Variants in MIF4GD observed in about 807,000 individuals in gnomAD.
MIF4GD encodes the protein MIF4G domain-containing protein.
MIF4GD carries 22 observed loss-of-function variants against 26.7 expected under a neutral mutation model. That is an observed-to-expected ratio of 0.82 (90% CI 0.59 to 1.18). MIF4GD has a LOEUF of 1.18. Ranked by LOEUF, MIF4GD falls within the 50% of genes most tolerant of loss-of-function variation. The pLI, the probability that MIF4GD is intolerant of heterozygous loss-of-function variation, is 0.00. For missense variants in MIF4GD, 262 were observed against 279.6 expected (o/e 0.94, Z 0.45); for synonymous variants, 137 against 111.6 (o/e 1.23, Z -1.43).
intron 2 of MIF4GD, among the ~76,000 whole-genome samples, chr17:75,268,832 C>T (rs996742755): frequency 1.3e-5 from 2 of 151,732 alleles, no homozygotes; most frequent in East Asian, 1.9e-4. Flanking sequence ...GATGAAACCC[C>T]GTCTCTACAA....
At chr17:75,267,460 C>T (rs750403920) in intron 5 of MIF4GD, 78 bp downstream of exon 5, 2 of 1,399,180 alleles carry the variant, frequency 1.4e-6, no homozygotes, top group Non-Finnish European at 2.0e-6. Flanking sequence ...CCTCCGTGAG[C>T]AGTGGGCTGA....
intron 2 of MIF4GD, 87 bp from the exon 3 acceptor site, chr17:75,268,279 G>T: frequency 1.0e-6 from 1 of 996,250 alleles, no homozygotes; most frequent in Non-Finnish European, 1.6e-6. Context: ...GATATTTACA[G>T]TAGAGCACTC....
intron 3 of MIF4GD, 61 bp downstream of exon 3, chr17:75,268,022 T>G: frequency 6.2e-7 from 1 of 1,606,212 alleles, no homozygotes; most frequent in Non-Finnish European, 8.5e-7. Context: ...AGGCCAGGCC[T>G]TCTGCCCACT....
intron 2 of MIF4GD, chr17:75,269,425 C>T (rs1766084411): frequency 4.3e-6 from 7 of 1,614,056 alleles, no homozygotes; most frequent in Non-Finnish European, 4.2e-6. Flanking sequence ...GAATATTCTC[C>T]ATCTTCTGTC....
At position 75,266,278 on chromosome 17, in the gene MIF4GD, A is replaced by C. The variant is rs1383239640; in HGVS notation, c.*462T>G. 1 of 379,730 alleles carries C rather than the reference A, an allele frequency of 2.6e-6. No homozygotes were observed. Among genetic ancestry groups the C allele is most frequent in the East Asian group, 6.1e-5 (1 of 16,500 alleles). 23.5% of individuals were successfully genotyped at this position (379,730 alleles called of 1,614,324 possible). A position where few individuals can be genotyped will look rare whatever the true frequency, so the allele number is the denominator to read the frequency against. ...GAAAATTCTCACGCTGAACTGGTGT[A>C]GCATGTGGTGCAGCATTCAGTGAAA... On this transcript the variant is annotated 3_prime_UTR_variant, in exon 6 of 6. Coordinates refer to ENST00000325102, the MANE Select transcript of MIF4GD (RefSeq NM_001370592.1).
chr17:75,266,644 G>T lies in MIF4GD; in HGVS notation c.*96C>A. The T allele has an allele frequency of 8.7e-7, 1 of 1,151,178 alleles. No individual in the cohort carries two copies. The highest frequency in any genetic ancestry group is 1.3e-5 in the South Asian group (1 of 78,270). The allele number at this position is 1,151,178 out of a possible 1,614,324, so 71.3% of individuals were successfully genotyped here. Reference sequence around the variant, plus strand: ...AAGGGAAGACACTCAAAGTCTGGAAGGGAAAAGTCTTTGGGTGAGGCAGAG... The same window carrying T: ...AAGGGAAGACACTCAAAGTCTGGAATGGAAAAGTCTTTGGGTGAGGCAGAG... On this transcript the variant is annotated 3_prime_UTR_variant, in exon 6 of 6. Transcript: ENST00000325102.
Position 75,266,985 on chromosome 17 carries a change from G to T in MIF4GD, c.442-18C>A. On this transcript the variant is annotated intron_variant, in intron 5 of 5. Transcript: ENST00000325102. ...CAGTCCACCTGCAGGCGACAGTGTG[G>T]GTAACACAAGTGAACTGGGGCAGTG... is the stretch of plus-strand genomic sequence containing the variant. 1 of 1,606,032 alleles carries T rather than the reference G, an allele frequency of 6.2e-7. No individual in the cohort carries two copies. Among genetic ancestry groups the T allele is most frequent in the South Asian group, 1.1e-5 (1 of 90,230 alleles).
In MIF4GD at chr17:75,270,195, TG is replaced by T. The variant is rs2077681141; in HGVS notation, c.-1del. The T allele has an allele frequency of 6.2e-7, 1 of 1,613,446 alleles. No homozygotes were observed. The highest frequency in any genetic ancestry group is 1.7e-5 in the Admixed American group (1 of 59,992). On this transcript the variant is annotated 5_prime_UTR_variant, in exon 2 of 6. Coordinates refer to ENST00000325102, the MANE Select transcript of MIF4GD (RefSeq NM_001370592.1). This position sits in a 1 kb window ranked among gnomAD's most constrained non-coding sequence, Gnocchi z 5.7. ...TACTCCTCTCTACTGGGCTCCCCCATGACTAGCCAGCCCCGGTAGCTCTTGA... is the reference window on the plus strand; with the variant it reads ...TACTCCTCTCTACTGGGCTCCCCCATACTAGCCAGCCCCGGTAGCTCTTGA...
chr17:75,270,741 C>A lies in MIF4GD; in HGVS notation c.-51+403G>T, dbSNP rs907522226. 1 of 155,836 alleles carries A rather than the reference C, an allele frequency of 6.4e-6. No homozygotes were observed. The highest frequency in any genetic ancestry group is 1.4e-5 in the Non-Finnish European group (1 of 70,244). The allele number at this position is 155,836 out of a possible 1,614,324, so 9.7% of individuals were successfully genotyped here. On this transcript the variant is annotated intron_variant, in intron 1 of 5. Coordinates refer to ENST00000325102, the MANE Select transcript of MIF4GD (RefSeq NM_001370592.1). The surrounding 1 kb of genome is among the most constrained non-coding windows in gnomAD (Gnocchi z 5.7). ...TCGGTCTCAACACCCGCCGCTGCAT[C>A]CCCCGGATGGGGCCGGCCTGCGTGG... is the stretch of plus-strand genomic sequence containing the variant.
At chr17:75,267,707 G>A (rs902803097) in intron 4 of MIF4GD, 39 bp downstream of exon 4, 28 of 1,612,130 alleles carry the variant, frequency 1.7e-5, no homozygotes, top group Non-Finnish European at 2.2e-5. Context: ...TCAGGAAACA[G>A]GCCATGTCTG....
chr17:75,266,917 T>C lies in MIF4GD; in HGVS notation c.492A>G (p.Lys164=), dbSNP rs768553265. 6.8e-6 allele frequency: 11 copies of C among 1,614,096 alleles called. No homozygotes were observed. In the South Asian group the frequency reaches 1.2e-4, roughly 18 times the overall value. ...QLHRVGEQLE[K]MNGQRMDELF... is the part of the protein sequence containing the mutation. ...GCTCATCCATGCGCTGCCCATTCAT[T>C]TTCTCCAGCTGCTCCCCAACCCGGT... Residue 164 remains lysine, a synonymous_variant, in exon 6 of 6, where the codon AAA becomes AAG. Transcript: ENST00000325102.
chr17:75,269,737 C>CTTTTTTTTT (rs796368431), intron 2 of MIF4GD, among the ~76,000 whole-genome samples: 3,737 of 103,104 alleles, frequency 0.036, 75 homozygotes, highest in Non-Finnish European at 0.054. Context: ...TTTTTCTTTT[C>CTTTTTTTTT]TTTCTTTTTT....
At chr17:75,269,401 T>C (rs1050675844) in intron 2 of MIF4GD, 2 of 1,614,042 alleles carry the variant, frequency 1.2e-6, no homozygotes, top group Admixed American at 3.3e-5. Flanking sequence ...TTACTATAGC[T>C]CCTCTGGCAA....
Position 75,266,624 on chromosome 17 carries a change from A to G in MIF4GD, c.*116T>C. 1.1e-6 allele frequency: 1 copy of G among 926,426 alleles called. No homozygotes were observed. Among genetic ancestry groups the G allele is most frequent in the Non-Finnish European group, 1.7e-6 (1 of 580,376 alleles). 57.4% of individuals were successfully genotyped at this position (926,426 alleles called of 1,614,324 possible). ...CAGGAGATGGGAAAGTCTAGAAGGG[A>G]AGACACTCAAAGTCTGGAAGGGAAA... On this transcript the variant is annotated 3_prime_UTR_variant, in exon 6 of 6. Transcript: ENST00000325102.
At chr17:75,267,444 CAG>C (rs758527807) in intron 5 of MIF4GD, 92 bp downstream of exon 5, 6 of 1,273,776 alleles carry the variant, frequency 4.7e-6, no homozygotes, top group East Asian at 4.7e-5. Context: ...ACACAGTCCT[CAG>C]AGACCTCCGT....
chr17:75,270,182 C>T lies in MIF4GD; in HGVS notation c.14G>A (p.Ser5Asn), dbSNP rs370509484. 1 of 1,614,030 alleles carries T rather than the reference C, an allele frequency of 6.2e-7. No homozygotes were observed. The highest frequency in any genetic ancestry group is 2.2e-5 in the East Asian group (1 of 44,878). ...GGACTGGATTTTATACTCCTCTCTA[C>T]TGGGCTCCCCCATGACTAGCCAGCC... MGEP[S>N]REEYKIQSFD... The change falls in exon 2 of 6, where the codon AGT (serine) becomes AAT (asparagine). Residue 5 changes from serine to asparagine, a missense_variant. Physicochemically the swap from Ser to Asn is conservative, Grantham distance 46 (BLOSUM62 1). Transcript: ENST00000325102. The surrounding 1 kb of genome is among the most constrained non-coding windows in gnomAD (Gnocchi z 5.7).
In MIF4GD at chr17:75,266,404, T is replaced by G. The variant is rs2077486017; in HGVS notation, c.*336A>C. On this transcript the variant is annotated 3_prime_UTR_variant, in exon 6 of 6. Transcript: ENST00000325102. ...TGTGCTCTGCCTCCACCCCTTGACA[T>G]CCCAAAATATCCCACCAGTGGCTAT... The G allele has an allele frequency of 2.4e-6, 1 of 415,216 alleles. No individual in the cohort carries two copies. The highest frequency in any genetic ancestry group is 4.5e-6 in the Non-Finnish European group (1 of 221,602). 25.7% of individuals were successfully genotyped at this position (415,216 alleles called of 1,614,324 possible).
intron 4 of MIF4GD, 38 bp downstream of exon 4, chr17:75,267,708 G>T: frequency 6.2e-7 from 1 of 1,612,132 alleles, no homozygotes; most frequent in South Asian, 1.1e-5. Context: ...CAGGAAACAG[G>T]CCATGTCTGC....
In MIF4GD at chr17:75,267,848, C is replaced by T; in HGVS notation, c.246G>A (p.Arg82=). 6.2e-7 allele frequency: 1 copy of T among 1,613,984 alleles called. No individual in the cohort carries two copies. Among genetic ancestry groups the T allele is most frequent in the Non-Finnish European group, 8.5e-7 (1 of 1,180,014 alleles). ...QSVFRRGLLN[R]LQQEYQAREQ... is the part of the protein sequence containing the mutation. The stretch of plus-strand genomic sequence containing the variant: ...CCCGAGCCTGGTACTCCTGCTGCAG[C>T]CGGTTGAGGAGTCCACGTCGGAAGA... Residue 82 remains arginine, a synonymous_variant, in exon 4 of 6, where the codon CGG becomes CGA. Transcript: ENST00000325102.
Sources: gnomAD v4.1 joint callset for allele counts (sites outside exome capture counted in the v4.1 genomes callset) on GRCh38, gnomAD v4.1.1 for gene constraint, Gnocchi (gnomAD v3.1) non-coding constraint, MANE v1.5 for transcripts, NCBI Gene and HGNC (gene_info 2026-07-23, HGNC 2026-07-21) for gene names.